The following SOX6 variants were observed in gnomAD, a reference collection of about 807,000 sequenced individuals.
SOX6 encodes transcription factor SOX-6.
A neutral mutation model predicts 97.8 loss-of-function variants in SOX6; 11 were observed. The observed-to-expected ratio is 0.11, with a 90% CI of 0.07 to 0.19. SOX6 has a LOEUF of 0.19. Among genes scored for constraint, SOX6 ranks in the 10% least tolerant of loss-of-function variants. The pLI, the probability that SOX6 is intolerant of heterozygous loss-of-function variation, is 1.00. For synonymous variants in SOX6, 360 were observed against 371.4 expected (o/e 0.97, Z 0.35); for missense variants, 810 against 1,039.5 (o/e 0.78, Z 3.04).
intron 4 of SOX6, among the ~76,000 whole-genome samples, chr11:16,583,638 C>CATATGT (rs1329710047): frequency 2.9e-5 from 3 of 104,614 alleles, no homozygotes; most frequent in Non-Finnish European, 6.6e-5. Context: ...TATATATATA[C>CATATGT]ACATACACAC....
intron 12 of SOX6, among the ~76,000 whole-genome samples, chr11:16,019,249 T>C (rs1243575344): frequency 6.6e-6 from 1 of 152,152 alleles, no homozygotes; most frequent in Admixed American, 6.6e-5. Context: ...GAGAGGTTTT[T>C]TGTTTGCTGC....
chr11:16,437,879 G>A (rs1347832371), intron 1 of SOX6, among the ~76,000 whole-genome samples: 1 of 152,322 alleles, frequency 6.6e-6, no homozygotes, highest in East Asian at 1.9e-4. Flanking sequence ...GATTAGTACA[G>A]TGTCTGGTAT....
chr11:16,425,977 C>A (rs549509886), intron 1 of SOX6, among the ~76,000 whole-genome samples: 7 of 151,740 alleles, frequency 4.6e-5, no homozygotes, highest in African/African-American at 1.7e-4. Context: ...TATTTTAAGG[C>A]TGGGCGCAGT....
At chr11:16,529,106 T>A (rs1861206440) in intron 4 of SOX6, among the ~76,000 whole-genome samples, 1 of 152,112 alleles carries the variant, frequency 6.6e-6, no homozygotes, top group African/African-American at 2.4e-5. Context: ...ACAGTTTTAA[T>A]CTATTTGAAA....
At chr11:16,517,404 C>T (rs376220413) in intron 4 of SOX6, among the ~76,000 whole-genome samples, 56 of 151,962 alleles carry the variant, frequency 3.7e-4, no homozygotes, top group South Asian at 1.0e-3. Flanking sequence ...TGTTTGCAGA[C>T]GACATGATTG....
chr11:16,678,387 T>C (rs73419087), intron 3 of SOX6, among the ~76,000 whole-genome samples: 3,537 of 152,334 alleles, frequency 0.023, 145 homozygotes, highest in African/African-American at 0.081. Flanking sequence ...TAATTTCTTT[T>C]TAAAATCTAT....
chr11:16,194,747 T>G (rs148238470), intron 4 of SOX6, among the ~76,000 whole-genome samples: 1 of 152,204 alleles, frequency 6.6e-6, no homozygotes. Flanking sequence ...GGTCTATTCA[T>G]GTCGCAAATC....
intron 4 of SOX6, among the ~76,000 whole-genome samples, chr11:16,522,502 A>G (rs957874587): frequency 6.6e-6 from 1 of 152,218 alleles, no homozygotes; most frequent in Admixed American, 6.5e-5. Flanking sequence ...GAAAGGAACA[A>G]CCAGTACCAG....
chr11:16,159,277 A>C (rs972062281), intron 6 of SOX6, among the ~76,000 whole-genome samples: 10 of 152,260 alleles, frequency 6.6e-5, no homozygotes, highest in African/African-American at 2.4e-4. Flanking sequence ...TAACACTAGC[A>C]TGAGAACGCT....
At chr11:16,648,568 C>A (rs1419756576) in intron 3 of SOX6, among the ~76,000 whole-genome samples, 1 of 152,208 alleles carries the variant, frequency 6.6e-6, no homozygotes, top group African/African-American at 2.4e-5. Flanking sequence ...TGGAGGCCAA[C>A]CAGCTCAGGC....
chr11:16,091,338 C>T (rs1188493077), intron 9 of SOX6, among the ~76,000 whole-genome samples: 1 of 152,010 alleles, frequency 6.6e-6, no homozygotes, highest in Non-Finnish European at 1.5e-5. Context: ...TCTATTTATT[C>T]CACCCTCTTC....
rs147333956 is a variant in SOX6, at chr11:16,647,268, A to G, written n.430-35008T>C. Among the ~76,000 whole-genome samples, 701 of 152,210 alleles carry G rather than the reference A, an allele frequency of 4.6e-3. 6 individuals carry two copies. Among genetic ancestry groups the G allele is most frequent in the African/African-American group, 0.016 (677 of 41,516 alleles). ...CCTTTCCTATCTTCTTGAGACTGATATGATTTCTATGCCCCTCCCCCTTTC... is the reference window on the plus strand; with the variant it reads ...CCTTTCCTATCTTCTTGAGACTGATGTGATTTCTATGCCCCTCCCCCTTTC... On this transcript the variant is annotated intron_variant and non_coding_transcript_variant, in intron 3 of 5. Transcript: ENST00000524520.
At chr11:15,995,095 C>A (rs1854182966) in intron 13 of SOX6, among the ~76,000 whole-genome samples, 1 of 152,128 alleles carries the variant, frequency 6.6e-6, no homozygotes, top group Non-Finnish European at 1.5e-5. Flanking sequence ...CTGCTGACCC[C>A]TGAACTTGCC....
chr11:16,479,603 TA>T (rs1308662875), upstream of SOX6, among the ~76,000 whole-genome samples: 4 of 148,758 alleles, frequency 2.7e-5, no homozygotes, highest in Non-Finnish European at 4.5e-5. Context: ...TCCAATAATA[TA>T]AAAATGTATA....
intron 9 of SOX6, among the ~76,000 whole-genome samples, chr11:16,070,320 T>C (rs1048709061): frequency 6.6e-6 from 1 of 151,916 alleles, no homozygotes; most frequent in African/African-American, 2.4e-5. Flanking sequence ...GGAGAAGCTG[T>C]AGAAAGGGAA....
In SOX6 at chr11:16,096,065, G is replaced by T. The variant is rs1848787313; in HGVS notation, c.1032C>A (p.Asp344Glu). The T allele has an allele frequency of 6.2e-7, 1 of 1,611,398 alleles. No homozygotes were observed. The highest frequency in any genetic ancestry group is 1.1e-5 in the South Asian group (1 of 91,044). Reference protein sequence around the residue: ...QINQRLKGLSDRFGRNLDTFE... With the variant: ...QINQRLKGLSERFGRNLDTFE... The stretch of plus-strand genomic sequence containing the variant: ...AGGTGTCCAAATTCCTGCCAAAACG[G>T]TCACTTAGGCCCTTTAGCCTTTGGT... The change falls in exon 9 of 16, where the codon GAC (aspartate) becomes GAA (glutamate). Residue 344 changes from aspartate (D) to glutamate (E), a missense_variant. Asp to Glu is a conservative substitution (Grantham distance 45). This residue lies in a region of SOX6 where 244 missense variants were observed against 261.0 expected (regional missense o/e 0.93). Transcript: ENST00000683767.
At chr11:16,007,273 T>C (rs1031117864) in intron 13 of SOX6, among the ~76,000 whole-genome samples, 5 of 152,098 alleles carry the variant, frequency 3.3e-5, no homozygotes, top group Admixed American at 6.6e-5. Flanking sequence ...TACTGAATAC[T>C]GTAGGCAATG....
chr11:16,533,596 C>T (rs777453002), intron 4 of SOX6, among the ~76,000 whole-genome samples: 27 of 151,998 alleles, frequency 1.8e-4, no homozygotes, highest in Admixed American at 2.6e-4. Context: ...ATTATATACC[C>T]TCATTGAAAA....
intron 1 of SOX6, among the ~76,000 whole-genome samples, chr11:16,379,713 AG>A (rs1857752313): frequency 6.6e-6 from 1 of 152,164 alleles, no homozygotes. Context: ...TCCTTTAAAA[AG>A]GGATTACCCA....
Sources: gnomAD v4.1 joint callset for allele counts (sites outside exome capture counted in the v4.1 genomes callset) on GRCh38, gnomAD v4.1.1 for gene constraint, gnomAD v4.1.1 regional missense constraint, MANE v1.5 for transcripts, NCBI Gene and HGNC (gene_info 2026-07-23, HGNC 2026-07-21) for gene names.